The following CD163L1 variants were observed in gnomAD, a reference collection of about 807,000 sequenced individuals.
CD163L1 encodes the protein scavenger receptor cysteine-rich type 1 protein M160.
Under a neutral mutation model 165.4 loss-of-function variants are expected in CD163L1, and 124 were observed. The ratio of observed to expected loss-of-function variants is 0.75; its 90% confidence interval spans 0.65 to 0.87. The LOEUF (loss-of-function observed/expected upper bound fraction) is 0.87. Ranked by LOEUF, CD163L1 falls within the 40% of genes least tolerant of loss-of-function variation. The pLI is 0.00. For missense variants in CD163L1, 1,525 were observed against 1,799.9 expected, an observed-to-expected ratio of 0.85 and a Z score of 2.76; for synonymous variants, 585 against 662.2, an observed-to-expected ratio of 0.88 and a Z score of 1.79.
chr12:7,399,483 T>TCTTCC (rs1947869491), intron 6 of CD163L1, among the ~76,000 whole-genome samples: 1 of 149,164 alleles, frequency 6.7e-6, no homozygotes, highest in Non-Finnish European at 1.5e-5. Flanking sequence ...TCCTTCCTTC[T>TCTTCC]TCTTCCTCTT....
chr12:7,360,951 G>C lies in CD163L1; in HGVS notation c.4280-3465C>G, dbSNP rs1440146338. 5.1e-5 allele frequency among the ~76,000 whole-genome samples: 7 copies of C among 137,360 alleles called. No individual in the cohort carries two copies. The South Asian group carries it at 1.4e-3, about 27-fold the overall frequency. The allele number at this position is 137,360 out of a possible 152,430, so 90.1% of individuals were successfully genotyped here. On this transcript the variant is annotated intron_variant, in intron 18 of 19. Transcript: ENST00000313599. ...AACACTTTGGAGAAAGTGGGTTTTT[G>C]GTTTTGGTTTTGCTTTGTTTTGTTT...
the CD163L1 span, chr12:7,324,377 T>C: frequency 1.9e-6 from 3 of 1,614,118 alleles, no homozygotes; most frequent in Non-Finnish European, 2.5e-6. Flanking sequence ...TCGGCAGAGC[T>C]GATGATGTCA....
rs60407455 is a variant in CD163L1, at chr12:7,437,258, G to C, written c.125-3564C>G. Among the ~76,000 whole-genome samples the C allele has an allele frequency of 1.9e-3, 230 of 121,656 alleles. 3 individuals are homozygous for C. Among genetic ancestry groups the C allele is most frequent in the African/African-American group, 7.8e-3 (216 of 27,864 alleles). 79.8% of individuals were successfully genotyped at this position (121,656 alleles called of 152,430 possible). Reference sequence around the variant, plus strand: ...TTTACTTTTAAATAGTATTTAAATAGTATTTAAAAGTATTACTTTTTATTT... The same window carrying C: ...TTTACTTTTAAATAGTATTTAAATACTATTTAAAAGTATTACTTTTTATTT... On this transcript the variant is annotated intron_variant, in intron 2 of 19. Coordinates refer to ENST00000313599, the MANE Select transcript of CD163L1 (RefSeq NM_174941.6).
chr12:7,369,262 A>C lies in CD163L1; in HGVS notation c.4039+95T>G. ...CTTTCATTCTTCAACAAGAAATCCT[A>C]GTATCTTCAGCTCAACTCTCTGAGT... On this transcript the variant is annotated intron_variant, in intron 15 of 19. Coordinates refer to ENST00000313599, the MANE Select transcript of CD163L1 (RefSeq NM_174941.6). This position sits in a 1 kb window ranked among gnomAD's most constrained non-coding sequence, Gnocchi z 4.9. 1 of 1,288,060 alleles carries C rather than the reference A, an allele frequency of 7.8e-7. No homozygotes were observed. Among genetic ancestry groups the C allele is most frequent in the Non-Finnish European group, 1.1e-6 (1 of 922,352 alleles). 79.8% of individuals were successfully genotyped at this position (1,288,060 alleles called of 1,614,324 possible).
intron 2 of CD163L1, among the ~76,000 whole-genome samples, chr12:7,440,146 C>G (rs1036546027): frequency 6.6e-6 from 1 of 152,272 alleles, no homozygotes; most frequent in Admixed American, 6.5e-5. Flanking sequence ...ACGTCCCGCT[C>G]AGGCTCCGCC....
chr12:7,354,302 G>A (rs755635308), downstream of CD163L1, among the ~76,000 whole-genome samples: 22 of 152,032 alleles, frequency 1.4e-4, no homozygotes, highest in East Asian at 2.7e-3. Context: ...GTTACTATAT[G>A]TGTTATAATT....
At chr12:7,324,123 T>C in the CD163L1 span, 1 of 921,714 alleles carries the variant, frequency 1.1e-6, no homozygotes, top group Non-Finnish European at 1.6e-6. Context: ...GGCTGCAGGC[T>C]CCAGTCTAGG....
At chr12:7,355,837 G>A (rs1336731429) in intron 19 of CD163L1, among the ~76,000 whole-genome samples, 1 of 152,090 alleles carries the variant, frequency 6.6e-6, no homozygotes, top group Admixed American at 6.6e-5. Context: ...GCAAGGGAAG[G>A]AAGGAGGCCT....
chr12:7,346,834 T>TGG (rs780083192), exon 5 of CD163L1: 156 of 152,324 alleles, frequency 1.0e-3, no homozygotes, highest in African/African-American at 3.5e-3. Context: ...CGAAACCGTA[T>TGG]CTTCCATGAA....
In CD163L1 at chr12:7,364,864, G is replaced by A. The variant is rs1303441038; in HGVS notation, c.4279+2372C>T. On this transcript the variant is annotated intron_variant, in intron 18 of 19. Transcript: ENST00000313599. ...TTGTTAAATACCCAAAGCAATTTAC[G>A]GATTCAACGCAATCTCTTTGAAAAC... Among the ~76,000 whole-genome samples, 4 of 151,970 alleles carry A rather than the reference G, an allele frequency of 2.6e-5. No homozygotes were observed. The East Asian group carries it at 5.8e-4, about 22-fold the overall frequency.
At chr12:7,320,937 T>C in the CD163L1 span, 1 of 816,108 alleles carries the variant, frequency 1.2e-6, no homozygotes, top group South Asian at 1.6e-5. Flanking sequence ...ACCGAATAAT[T>C]CTATCGTCGG....
At chr12:7,424,751 T>A (rs1948510733) in intron 4 of CD163L1, among the ~76,000 whole-genome samples, 1 of 151,964 alleles carries the variant, frequency 6.6e-6, no homozygotes, top group Non-Finnish European at 1.5e-5. Flanking sequence ...ACAAAAATAA[T>A]AAAATACCTA....
Position 7,347,064 on chromosome 12 carries a change from C to G in CD163L1, c.*108G>C, listed in dbSNP as rs1410079246. 6.6e-6 allele frequency: 1 copy of G among 152,222 alleles called. No individual in the cohort carries two copies. 9.4% of individuals were successfully genotyped at this position (152,222 alleles called of 1,614,324 possible). A position where few individuals can be genotyped will look rare whatever the true frequency, so the allele number is the denominator to read the frequency against. On this transcript the variant is annotated 3_prime_UTR_variant, in exon 5 of 5. Transcript: ENST00000539726. The surrounding 1 kb of genome is among the most constrained non-coding windows in gnomAD (Gnocchi z 4.2). ...AAACTGATCACACTGTAGGATTTCC[C>G]TAGTTCCTTTGACCGCTGCTCTTCA...
intron 4 of CD163L1, among the ~76,000 whole-genome samples, chr12:7,418,767 A>G (rs1164466109): frequency 6.6e-6 from 1 of 152,082 alleles, no homozygotes; most frequent in East Asian, 1.9e-4. Context: ...TGCATAAACT[A>G]GAAAACCAAT....
chr12:7,357,366 A>C lies in CD163L1; in HGVS notation c.*24+14T>G. ...AATTACTAGTTTTAGTAGGAACAAT[A>C]CTTCTCAACTTACCTGGTGAGCCCT... is the stretch of plus-strand genomic sequence containing the variant. On this transcript the variant is annotated intron_variant, in intron 19 of 19. Coordinates refer to ENST00000313599, the MANE Select transcript of CD163L1 (RefSeq NM_174941.6). The C allele has an allele frequency of 6.4e-7, 1 of 1,553,100 alleles. No homozygotes were observed. The highest frequency in any genetic ancestry group is 8.9e-7 in the Non-Finnish European group (1 of 1,125,396).
chr12:7,360,538 T>A (rs977200228), intron 18 of CD163L1, among the ~76,000 whole-genome samples: 2 of 152,162 alleles, frequency 1.3e-5, no homozygotes, highest in Non-Finnish European at 2.9e-5. Flanking sequence ...TTTCCACTGG[T>A]CTATCTTGAA....
chr12:7,385,616 AC>A (rs1457415467), intron 8 of CD163L1, among the ~76,000 whole-genome samples: 3 of 152,012 alleles, frequency 2.0e-5, no homozygotes, highest in African/African-American at 4.8e-5. Flanking sequence ...AGGCCACAAA[AC>A]AAGTCTCAAC....
At chr12:7,322,713 A>G in the CD163L1 span, among the ~76,000 whole-genome samples, 155 of 152,206 alleles carry the variant, frequency 1.0e-3, no homozygotes, top group African/African-American at 3.5e-3. Flanking sequence ...TTAGGTTTTG[A>G]TGAAGGAGAA....
chr12:7,363,875 T>C (rs1479800176), intron 18 of CD163L1, among the ~76,000 whole-genome samples: 3 of 151,690 alleles, frequency 2.0e-5, no homozygotes, highest in Non-Finnish European at 4.4e-5. Flanking sequence ...GAAGAACTAA[T>C]GCTAATTTTA....
Sources: gnomAD v4.1 joint callset for allele counts (sites outside exome capture counted in the v4.1 genomes callset) on GRCh38, gnomAD v4.1.1 for gene constraint, Gnocchi (gnomAD v3.1) non-coding constraint, MANE v1.5 for transcripts, NCBI Gene and HGNC (gene_info 2026-07-23, HGNC 2026-07-21) for gene names.